COPS3: variants seen among roughly 807,000 people sequenced by gnomAD.
The protein encoded by COPS3 is COP9 signalosome complex subunit 3.
A neutral mutation model predicts 58.2 loss-of-function variants in COPS3; 10 were observed. The observed-to-expected ratio is 0.17, with a 90% CI of 0.11 to 0.29. The LOEUF is 0.29. COPS3 is among the 10% of genes least tolerant of loss of function. COPS3 has a pLI of 1.00. For synonymous variants in COPS3, 187 were observed against 181.7 expected, an observed-to-expected ratio of 1.03 and a Z score of -0.24; for missense variants, 333 against 510.1, an observed-to-expected ratio of 0.65 and a Z score of 3.34.
At chr17:17,257,568 C>T (rs971006199) in intron 8 of COPS3, among the ~76,000 whole-genome samples, 3 of 151,380 alleles carry the variant, frequency 2.0e-5, no homozygotes, top group Admixed American at 6.6e-5. Flanking sequence ...GAGGCTGAGG[C>T]GGGCGGATCA....
At chr17:17,258,593 A>G (rs1201585948) in intron 8 of COPS3, among the ~76,000 whole-genome samples, 1 of 152,018 alleles carries the variant, frequency 6.6e-6, no homozygotes. Flanking sequence ...AGTCACAAAC[A>G]GAGTTTGTGT....
chr17:17,258,495 G>C (rs1380130082), intron 8 of COPS3, among the ~76,000 whole-genome samples: 1 of 152,062 alleles, frequency 6.6e-6, no homozygotes, highest in African/African-American at 2.4e-5. Flanking sequence ...ATTTTCATTT[G>C]CTATTTTGCA....
intron 2 of COPS3, among the ~76,000 whole-genome samples, chr17:17,272,618 A>T (rs1567861475): frequency 6.6e-6 from 1 of 152,096 alleles, no homozygotes; most frequent in Non-Finnish European, 1.5e-5. Flanking sequence ...ACATTGAATG[A>T]AAATATTGGC....
chr17:17,273,209 A>C (rs897542662), intron 2 of COPS3, among the ~76,000 whole-genome samples: 1 of 152,218 alleles, frequency 6.6e-6, no homozygotes. Flanking sequence ...TTTAGAGAAG[A>C]AGCTTTGTCA....
chr17:17,261,511 A>C, intron 7 of COPS3: 1 of 302,628 alleles, frequency 3.3e-6, no homozygotes. Flanking sequence ...TGGTGACAAG[A>C]GCAAAACTCC....
rs11372300 is a variant in COPS3, at chr17:17,275,094, A to ATT, written c.185+939_185+940dup. On this transcript the variant is annotated intron_variant, in intron 2 of 11. Transcript: ENST00000268717. ...CTCAAAGCAGGAAAAGCAACAACTG[A>ATT]TTTTTTTTTTTTTTTTGAGAGAGTC... 2.1e-3 allele frequency among the ~76,000 whole-genome samples: 309 copies of ATT among 144,338 alleles called. 1 individual carries two copies. Among genetic ancestry groups the ATT allele is most frequent in the African/African-American group, 2.4e-3 (92 of 39,048 alleles). The allele number at this position is 144,338 out of a possible 152,430, so 94.7% of individuals were successfully genotyped here. A position where few individuals can be genotyped will look rare whatever the true frequency, so the allele number is the denominator to read the frequency against.
chr17:17,271,370 A>G (rs1005470720), intron 2 of COPS3, among the ~76,000 whole-genome samples: 3 of 152,062 alleles, frequency 2.0e-5, no homozygotes, highest in African/African-American at 7.2e-5. Context: ...TTGAGGCTGC[A>G]GTGAGCTATG....
chr17:17,255,594 C>T (rs917188621), intron 8 of COPS3, among the ~76,000 whole-genome samples: 2 of 151,550 alleles, frequency 1.3e-5, no homozygotes, highest in Non-Finnish European at 2.9e-5. Flanking sequence ...AATCCCACCA[C>T]TTTGGGAGGC....
At chr17:17,247,879 A>G (rs1310696001) in intron 10 of COPS3, 1 of 225,220 alleles carries the variant, frequency 4.4e-6, no homozygotes, top group Non-Finnish European at 8.7e-6. Flanking sequence ...TTGCCATTAA[A>G]TTAATTACAA....
chr17:17,263,510 CTTTTTTTTTTTTTT>C (rs34755381), intron 6 of COPS3, among the ~76,000 whole-genome samples: 2 of 98,872 alleles, frequency 2.0e-5, no homozygotes, highest in Non-Finnish European at 3.8e-5. Context: ...CTTGCCTTTT[CTTTTTTTTTTTTTT>C]TTTTTTGAGA....
At chr17:17,255,873 A>AATAAATAAATAAAT (rs2047962631) in intron 8 of COPS3, among the ~76,000 whole-genome samples, 1 of 150,006 alleles carries the variant, frequency 6.7e-6, no homozygotes, top group African/African-American at 2.5e-5. Context: ...TAAATAAATA[A>AATAAATAAATAAAT]ATAAATAACT....
intron 1 of COPS3, among the ~76,000 whole-genome samples, chr17:17,277,961 C>A (rs1408043522): frequency 6.6e-6 from 1 of 152,046 alleles, no homozygotes; most frequent in Non-Finnish European, 1.5e-5. Flanking sequence ...TGGTGAAACC[C>A]TGTCTCCACT....
chr17:17,275,890 C>T (rs146644764), intron 2 of COPS3, 145 bp downstream of exon 2: 16,857 of 687,186 alleles, frequency 0.025, 333 homozygotes, highest in African/African-American at 0.066. Context: ...TGCAGTGTGC[C>T]AAGAATGTGC....
intron 8 of COPS3, among the ~76,000 whole-genome samples, chr17:17,258,088 C>T (rs2048017812): frequency 6.6e-6 from 1 of 152,174 alleles, no homozygotes; most frequent in Non-Finnish European, 1.5e-5. Context: ...AACCTTCTGA[C>T]TAGCTATGTC....
intron 6 of COPS3, among the ~76,000 whole-genome samples, 167 bp from the exon 7 acceptor site, chr17:17,262,273 T>A (rs1018654449): frequency 5.9e-5 from 9 of 152,116 alleles, no homozygotes; most frequent in African/African-American, 2.2e-4. Context: ...ATTTATGCAT[T>A]TTTTAGAGAC....
intron 4 of COPS3, among the ~76,000 whole-genome samples, chr17:17,269,356 CG>C (rs1420197337): frequency 2.2e-4 from 34 of 152,108 alleles, no homozygotes; most frequent in Non-Finnish European, 4.7e-4. Context: ...ACCCAGGAGG[CG>C]GAAGTTGCAG....
At chr17:17,264,762 C>T in intron 6 of COPS3, 40 bp downstream of exon 6, 1 of 1,559,394 alleles carries the variant, frequency 6.4e-7, no homozygotes, top group South Asian at 1.2e-5. Context: ...TTTGATCACA[C>T]AAGTTCAGAA....
chr17:17,279,242 T>C (rs1464888318), intron 1 of COPS3, among the ~76,000 whole-genome samples: 1 of 152,126 alleles, frequency 6.6e-6, no homozygotes, highest in Admixed American at 6.6e-5. Flanking sequence ...AGTTACCATA[T>C]TTATCTCTGT....
At position 17,278,490 on chromosome 17, in the gene COPS3, A is replaced by G. The variant is rs555474183; in HGVS notation, c.56-2326T>C. Among the ~76,000 whole-genome samples the G allele has an allele frequency of 8.8e-4, 134 of 152,362 alleles. No individual in the cohort carries two copies. In the Middle Eastern group the frequency reaches 0.014, roughly 15 times the overall value. ...ATTATACATGCATTACAAAACAAGA[A>G]TAAAACAGCTGTGATCTTATTAGGT... On this transcript the variant is annotated intron_variant, in intron 1 of 11. Transcript: ENST00000268717.
Sources: gnomAD v4.1 joint callset for allele counts (sites outside exome capture counted in the v4.1 genomes callset) on GRCh38, gnomAD v4.1.1 for gene constraint, MANE v1.5 for transcripts, NCBI Gene and HGNC (gene_info 2026-07-23, HGNC 2026-07-21) for gene names.